The following ZNF764 variants were observed in gnomAD, a reference collection of about 807,000 sequenced individuals.
ZNF764 encodes zinc finger protein 764.
In ZNF764, 10 loss-of-function variants were observed where a neutral mutation model predicts 13.9. The ratio of observed to expected loss-of-function variants is 0.72; its 90% CI spans 0.44 to 1.22. The LOEUF (loss-of-function observed/expected upper bound fraction) is 1.22, where lower values mean the gene tolerates loss of function less well. ZNF764 is among the 50% of genes most tolerant of loss of function. The pLI is 0.00. For missense variants in ZNF764, 647 were observed against 589.7 expected, an observed-to-expected ratio of 1.10 and a Z score of -1.01; for synonymous variants, 313 against 255.1, an observed-to-expected ratio of 1.23 and a Z score of -2.16.
In ZNF764 at chr16:30,554,950, T is replaced by G; in HGVS notation, c.*244A>C. 1 of 497,198 alleles carries G rather than the reference T, an allele frequency of 2.0e-6. No homozygotes were observed. The highest frequency in any genetic ancestry group is 3.4e-5 in the East Asian group (1 of 28,990). The allele number at this position is 497,198 out of a possible 1,614,324, so 30.8% of individuals were successfully genotyped here. A position where few individuals can be genotyped will look rare whatever the true frequency, so the allele number is the denominator to read the frequency against. ...CTGAGAAACAGCTTTTGGTTCCCCTTATGTAGGTCTGGGGGTTCTCAACTC... is the reference window on the plus strand; with the variant it reads ...CTGAGAAACAGCTTTTGGTTCCCCTGATGTAGGTCTGGGGGTTCTCAACTC... On this transcript the variant is annotated 3_prime_UTR_variant, in exon 3 of 3. Coordinates refer to ENST00000395091, the MANE Select transcript of ZNF764 (RefSeq NM_001172679.2).
Position 30,553,838 on chromosome 16 carries a change from CACT to C in ZNF764, c.*1353_*1355del, listed in dbSNP as rs1235124139. On this transcript the variant is annotated 3_prime_UTR_variant, in exon 3 of 3. Coordinates refer to ENST00000395091, the MANE Select transcript of ZNF764 (RefSeq NM_001172679.2). ...TCCAGAAAACCTGAGTGCTACAGAC[CACT>C]GTTTGCAAACTCAAATGACCATAGG... 1 of 152,230 alleles carries C rather than the reference CACT, an allele frequency of 6.6e-6. No individual in the cohort carries two copies. Among genetic ancestry groups the C allele is most frequent in the African/African-American group, 2.4e-5 (1 of 41,452 alleles). 9.4% of individuals were successfully genotyped at this position (152,230 alleles called of 1,614,324 possible).
chr16:30,557,848 T>A lies in ZNF764; in HGVS notation c.197-2A>T. ...GAGCTGGCTTGTTGCCTCCGATTCCTAGGGAAGAAGAACGCAAACCCCACG... is the reference window on the plus strand; with the variant it reads ...GAGCTGGCTTGTTGCCTCCGATTCCAAGGGAAGAAGAACGCAAACCCCACG... On this transcript the variant is annotated splice_acceptor_variant, in intron 1 of 2. Transcript: ENST00000395091. LOFTEE classifies it high-confidence loss of function. The A allele has an allele frequency of 1.2e-6, 2 of 1,601,620 alleles. No individual in the cohort carries two copies. Among genetic ancestry groups the A allele is most frequent in the East Asian group, 4.5e-5 (2 of 44,192 alleles).
chr16:30,557,103 G>A (rs1286803265), intron 2 of ZNF764, among the ~76,000 whole-genome samples: 8 of 146,936 alleles, frequency 5.4e-5, no homozygotes, highest in African/African-American at 1.8e-4. Context: ...TGGCGCCACT[G>A]CACTCCAGCC....
intron 2 of ZNF764, 122 bp from the exon 3 acceptor site, chr16:30,556,229 G>A: frequency 1.7e-6 from 2 of 1,150,882 alleles, no homozygotes; most frequent in Non-Finnish European, 2.5e-6. Flanking sequence ...ATGGAGGAGT[G>A]ACACCTGTTC....
Position 30,558,165 on chromosome 16 carries a change from G to A in ZNF764, c.18C>T (p.Ala6=), listed in dbSNP as rs1406743104. 24 of 1,592,392 alleles carry A rather than the reference G, an allele frequency of 1.5e-5. No homozygotes were observed. Among genetic ancestry groups the A allele is most frequent in the Non-Finnish European group, 2.0e-5 (23 of 1,174,606 alleles). MAPPL[A]PLPPRDPNGA... ...CGTTTGGGTCCCGGGGAGGGAGCGG[G>A]GCCAGAGGCGGCGCCATGGTAACTG... The change falls in exon 1 of 3, where the codon GCC becomes GCT. Residue 6 remains alanine, a synonymous_variant. Transcript: ENST00000395091.
At position 30,558,268 on chromosome 16, in the gene ZNF764, C is replaced by G; in HGVS notation, c.-86G>C. On this transcript the variant is annotated 5_prime_UTR_variant, in exon 1 of 3. Coordinates refer to ENST00000395091, the MANE Select transcript of ZNF764 (RefSeq NM_001172679.2). The stretch of plus-strand genomic sequence containing the variant: ...AACCTCCTGCGCCCGAGAAAGCCTC[C>G]CCGGCCCGGGCCCAAGGGAAGGAGG... 2.1e-6 allele frequency: 3 copies of G among 1,422,494 alleles called. No individual in the cohort carries two copies. The highest frequency in any genetic ancestry group is 2.9e-5 in the South Asian group (2 of 68,936). The allele number at this position is 1,422,494 out of a possible 1,614,324, so 88.1% of individuals were successfully genotyped here.
At chr16:30,557,214 G>C (rs1281742218) in intron 2 of ZNF764, among the ~76,000 whole-genome samples, 2 of 152,010 alleles carry the variant, frequency 1.3e-5, no homozygotes, top group East Asian at 3.9e-4. Flanking sequence ...GTTGATACAG[G>C]AGAATTACTT....
intron 2 of ZNF764, 108 bp from the exon 3 acceptor site, chr16:30,556,215 G>T: frequency 7.8e-7 from 1 of 1,283,558 alleles, no homozygotes; most frequent in East Asian, 2.3e-5. Flanking sequence ...GCTGCTCCTG[G>T]GAGATGGAGG....
At position 30,554,821 on chromosome 16, in the gene ZNF764, G is replaced by A. The variant is rs1422220271; in HGVS notation, c.*373C>T. On this transcript the variant is annotated 3_prime_UTR_variant, in exon 3 of 3. Transcript: ENST00000395091. ...AATAAATAAAAAGACAATGAGTATTGTGTTCTGGGAGGGTCACAAGAATAA... is the reference window on the plus strand; with the variant it reads ...AATAAATAAAAAGACAATGAGTATTATGTTCTGGGAGGGTCACAAGAATAA... The A allele has an allele frequency of 9.7e-6, 2 of 206,784 alleles. No homozygotes were observed. The highest frequency in any genetic ancestry group is 3.4e-4 in the South Asian group (2 of 5,874). 12.8% of individuals were successfully genotyped at this position (206,784 alleles called of 1,614,324 possible).
intron 2 of ZNF764, among the ~76,000 whole-genome samples, chr16:30,556,691 C>T (rs995624143): frequency 6.6e-6 from 1 of 151,690 alleles, no homozygotes; most frequent in African/African-American, 2.4e-5. Flanking sequence ...GAGCCAAGAC[C>T]CCCTCTATAA....
At chr16:30,557,707 A>C in intron 2 of ZNF764, 26 bp downstream of exon 2, 2 of 1,612,512 alleles carry the variant, frequency 1.2e-6, no homozygotes, top group South Asian at 2.2e-5. Context: ...AGAAGTCCCC[A>C]TGGGACTGAG....
Position 30,555,589 on chromosome 16 carries a change from G to T in ZNF764, c.829C>A (p.Arg277=). 6.5e-7 allele frequency: 1 copy of T among 1,544,388 alleles called. No homozygotes were observed. Among genetic ancestry groups the T allele is most frequent in the Admixed American group, 1.9e-5 (1 of 51,434 alleles). Residue 277 remains arginine, a synonymous_variant, in exon 3 of 3, where the codon CGG becomes AGG. Coordinates refer to ENST00000395091, the MANE Select transcript of ZNF764 (RefSeq NM_001172679.2). ...GGGGTCTCGCCGCTGTGCACGCGCC[G>T]GTGCTGGTAGAGGGCAGAGCTCTGG... ...FSQSSALYQH[R]RVHSGETPFP... is the part of the protein sequence containing the mutation.
At chr16:30,557,708 TG>T (rs764553127) in intron 2 of ZNF764, 24 bp downstream of exon 2, 28 of 1,612,448 alleles carry the variant, frequency 1.7e-5, no homozygotes, top group Non-Finnish European at 2.2e-5. Flanking sequence ...GAAGTCCCCA[TG>T]GGACTGAGCA....
chr16:30,555,457 G>A lies in ZNF764; in HGVS notation c.961C>T (p.Arg321Cys), dbSNP rs773890404. 7 of 1,547,528 alleles carry A rather than the reference G, an allele frequency of 4.5e-6. No individual in the cohort carries two copies. The South Asian group carries it at 4.8e-5, about 11-fold the overall frequency. ...ATCTCCGAGCTCTGGCGGAAGCAGC[G>A]CCCGCAGTCCGGGCACGGGTAGGGC... ...EKPYPCPDCG[R>C]CFRQSSEMAA... Residue 321 changes from arginine to cysteine, a missense_variant, in exon 3 of 3, where the codon CGC (arginine) becomes TGC (cysteine). Arg to Cys is a radical substitution (Grantham distance 180, BLOSUM62 -3). Coordinates refer to ENST00000395091, the MANE Select transcript of ZNF764 (RefSeq NM_001172679.2).
intron 1 of ZNF764, 41 bp from the exon 2 acceptor site, chr16:30,557,887 A>G (rs1597133806): frequency 6.3e-7 from 1 of 1,576,026 alleles, no homozygotes; most frequent in Non-Finnish European, 8.6e-7. Context: ...CGGGGAGGCC[A>G]CCTGCCCGGC....
At position 30,557,917 on chromosome 16, in the gene ZNF764, C is replaced by A. The variant is rs1266372471; in HGVS notation, c.196+70G>T. 7 of 1,571,256 alleles carry A rather than the reference C, an allele frequency of 4.5e-6. No homozygotes were observed. The East Asian group carries it at 7.1e-5, about 16-fold the overall frequency. Reference sequence around the variant, plus strand: ...CCCGGCCCCGGGGCCCCCAACTTCACGCGCAGCTCCCAGAGGCGCGGCAGG... The same window carrying A: ...CCCGGCCCCGGGGCCCCCAACTTCAAGCGCAGCTCCCAGAGGCGCGGCAGG... On this transcript the variant is annotated intron_variant, in intron 1 of 2. Transcript: ENST00000395091.
At position 30,555,005 on chromosome 16, in the gene ZNF764, G is replaced by A. The variant is rs1178101972; in HGVS notation, c.*189C>T. The A allele has an allele frequency of 6.2e-6, 4 of 646,796 alleles. No individual in the cohort carries two copies. Among genetic ancestry groups the A allele is most frequent in the Non-Finnish European group, 1.0e-5 (4 of 401,270 alleles). 40.1% of individuals were successfully genotyped at this position (646,796 alleles called of 1,614,324 possible). ...CTGCCTCAGTAGAGGGGGCCTTGGA[G>A]AGCCCTGGGCAGTGGGGAGCAAGGT... On this transcript the variant is annotated 3_prime_UTR_variant, in exon 3 of 3. Transcript: ENST00000395091.
chr16:30,554,161 A>C lies in ZNF764; in HGVS notation c.*1033T>G, dbSNP rs1181209477. The C allele has an allele frequency of 1.3e-5, 2 of 152,198 alleles. No individual in the cohort carries two copies. Among genetic ancestry groups the C allele is most frequent in the African/African-American group, 4.8e-5 (2 of 41,564 alleles). The allele number at this position is 152,198 out of a possible 1,614,324, so 9.4% of individuals were successfully genotyped here. ...GAGTTGCCAAATCTTTGGATTTTTC[A>C]AAAGACACCAGAAAACCTGTATTTG... On this transcript the variant is annotated 3_prime_UTR_variant, in exon 3 of 3. Coordinates refer to ENST00000395091, the MANE Select transcript of ZNF764 (RefSeq NM_001172679.2).
Position 30,555,609 on chromosome 16 carries a change from C to T in ZNF764, c.809G>A (p.Ser270Asn), listed in dbSNP as rs1373650985. 7 of 1,547,818 alleles carry T rather than the reference C, an allele frequency of 4.5e-6. No homozygotes were observed. The highest frequency in any genetic ancestry group is 1.8e-4 in the Middle Eastern group (1 of 5,644). The change falls in exon 3 of 3, where the codon AGC (serine) becomes AAC (asparagine). Residue 270 changes from serine to asparagine, a missense_variant. Ser to Asn is a conservative substitution (Grantham distance 46). Transcript: ENST00000395091. Reference sequence around the variant, plus strand: ...GCGCCGGTGCTGGTAGAGGGCAGAGCTCTGGCTGAAGCGGCGGCCACAGTC... The same window carrying T: ...GCGCCGGTGCTGGTAGAGGGCAGAGTTCTGGCTGAAGCGGCGGCCACAGTC... ...CADCGRRFSQ[S>N]SALYQHRRVH...
Sources: allele counts gnomAD v4.1 joint callset (sites outside exome capture counted in the v4.1 genomes callset), GRCh38; gene constraint gnomAD v4.1.1; transcripts MANE v1.5; gene names NCBI Gene and HGNC (gene_info 2026-07-23, HGNC 2026-07-21).